The following MMP26 variants were observed in gnomAD, a reference collection of about 807,000 sequenced individuals.
MMP26 encodes the protein matrix metallopeptidase 26.
MMP26 carries 33 observed loss-of-function variants against 31.0 expected under a neutral mutation model. The observed-to-expected ratio is 1.06, with a 90% CI of 0.81 to 1.42. The LOEUF (loss-of-function observed/expected upper bound fraction) is 1.42, where lower values mean the gene tolerates loss of function less well. Among genes scored for constraint, MMP26 ranks in the 40% most tolerant of loss-of-function variants. The probability of loss-of-function intolerance (pLI) is 0.00; values close to 1 mark genes in which losing one functional copy is unlikely to be tolerated. For missense variants in MMP26, 347 were observed against 316.1 expected (o/e 1.10, Z -0.74); for synonymous variants, 122 against 114.9 (o/e 1.06, Z -0.40).
intron 1 of MMP26, among the ~76,000 whole-genome samples, chr11:4,761,092 C>CA (rs1407074655): frequency 2.6e-5 from 4 of 152,052 alleles, no homozygotes; most frequent in African/African-American, 9.7e-5. Flanking sequence ...GGTCAGGGAC[C>CA]AAGGGTAAGC....
intron 2 of MMP26, among the ~76,000 whole-genome samples, chr11:4,910,189 T>C (rs548151584): frequency 6.6e-6 from 1 of 152,146 alleles, no homozygotes; most frequent in African/African-American, 2.4e-5. Flanking sequence ...AGGTAACCCA[T>C]AATTCTTGCC....
intron 2 of MMP26, chr11:4,889,472 A>T (rs1850587411): frequency 6.6e-6 from 1 of 152,196 alleles, no homozygotes; most frequent in Admixed American, 6.5e-5. Context: ...CCTATGGGTA[A>T]GAAAGGCCAA....
At chr11:4,752,351 C>T (rs1317778344) in intron 1 of MMP26, 1 of 152,200 alleles carries the variant, frequency 6.6e-6, no homozygotes, top group East Asian at 1.9e-4. Context: ...AGATGGAGTC[C>T]ACTCCGGCAG....
chr11:4,806,294 G>A (rs539437689), intron 2 of MMP26, among the ~76,000 whole-genome samples: 7 of 152,140 alleles, frequency 4.6e-5, no homozygotes, highest in South Asian at 4.2e-4. Context: ...TTTCTGTCTC[G>A]TTGGTCTGTC....
At chr11:4,710,268 G>T (rs1847843000) in intron 1 of MMP26, 1 of 456,604 alleles carries the variant, frequency 2.2e-6, no homozygotes. Context: ...TGCCTCCCCA[G>T]AGGAGCAGAA....
chr11:4,775,605 C>A (rs912347764), intron 2 of MMP26, among the ~76,000 whole-genome samples: 1 of 152,112 alleles, frequency 6.6e-6, no homozygotes, highest in East Asian at 1.9e-4. Context: ...TTATTTGGCT[C>A]ATGGTTCTGC....
chr11:4,804,430 T>G (rs755623100), intron 2 of MMP26: 1 of 1,363,594 alleles, frequency 7.3e-7, no homozygotes, highest in South Asian at 1.2e-5. Context: ...TCTCTGCAGA[T>G]GATAACAATC....
intron 2 of MMP26, among the ~76,000 whole-genome samples, chr11:4,879,571 A>T (rs559144260): frequency 6.6e-6 from 1 of 152,146 alleles, no homozygotes; most frequent in Non-Finnish European, 1.5e-5. Context: ...TAGACAGCGA[A>T]GTTATTAAAA....
Position 4,780,364 on chromosome 11 carries a change from T to C in MMP26, c.-145+13023T>C, listed in dbSNP as rs75736699. On this transcript the variant is annotated intron_variant, in intron 2 of 7. Coordinates refer to ENST00000380390, the MANE Select transcript of MMP26 (RefSeq NM_021801.5). The stretch of plus-strand genomic sequence containing the variant: ...TAACACTTAGTATTGTCTCCAATTT[T>C]AGCCACTCTGACATATATGTAGTGG... 1.2e-4 allele frequency among the ~76,000 whole-genome samples: 18 copies of C among 151,012 alleles called. No homozygotes were observed. The East Asian group carries it at 3.3e-3, about 28-fold the overall frequency.
chr11:4,730,102 C>T (rs1238818614), intron 1 of MMP26, among the ~76,000 whole-genome samples: 4 of 152,042 alleles, frequency 2.6e-5, no homozygotes, highest in Non-Finnish European at 5.9e-5. Flanking sequence ...TGGTGGTTTA[C>T]CCAAATTTTT....
At chr11:4,989,333 G>A (rs1470570733) in intron 3 of MMP26, among the ~76,000 whole-genome samples, 1 of 152,252 alleles carries the variant, frequency 6.6e-6, no homozygotes, top group Non-Finnish European at 1.5e-5. Context: ...CATCTTCCCC[G>A]GGGAATTCCC....
At position 4,954,931 on chromosome 11, in the gene MMP26, A is replaced by G. The variant is rs369843977; in HGVS notation, c.-144-33137A>G. 3 of 1,210,454 alleles carry G rather than the reference A, an allele frequency of 2.5e-6. 1 individual carries two copies. Among genetic ancestry groups the G allele is most frequent in the Non-Finnish European group, 3.5e-6 (3 of 856,026 alleles). The allele number at this position is 1,210,454 out of a possible 1,614,324, so 75.0% of individuals were successfully genotyped here. On this transcript the variant is annotated intron_variant, in intron 2 of 7. Transcript: ENST00000380390. Reference sequence around the variant, plus strand: ...AGACATGCCCGGCAAAGCGGTGGACAACGGCCAGGTTGATGATGGGCAGGT... The same window carrying G: ...AGACATGCCCGGCAAAGCGGTGGACGACGGCCAGGTTGATGATGGGCAGGT...
rs1425154174 is a variant in MMP26 at position 4,989,753 on chromosome 11, C to G, written c.205C>G (p.Leu69Val). 1.2e-6 allele frequency: 2 copies of G among 1,614,072 alleles called. No homozygotes were observed. Among genetic ancestry groups the G allele is most frequent in the Non-Finnish European group, 1.7e-6 (2 of 1,180,028 alleles). ...QQFHRNGTDL[L>V]DMQMHALLHQ... Reference sequence around the variant, plus strand: ...ATTCCATCGGAATGGGACAGACCTACTTGACATGCAGATGCATGCTCTGCT... The same window carrying G: ...ATTCCATCGGAATGGGACAGACCTAGTTGACATGCAGATGCATGCTCTGCT... The change falls in exon 4 of 8, where the codon CTT (leucine) becomes GTT (valine). Residue 69 changes from leucine (L) to valine (V), a missense_variant. Physicochemically the swap from Leu to Val is conservative, Grantham distance 32. Coordinates refer to ENST00000380390, the MANE Select transcript of MMP26 (RefSeq NM_021801.5).
At chr11:4,808,552 C>T (rs1278060958) in intron 2 of MMP26, among the ~76,000 whole-genome samples, 1 of 152,014 alleles carries the variant, frequency 6.6e-6, no homozygotes, top group African/African-American at 2.4e-5. Context: ...GTTCTGCACC[C>T]TCCTTAGGAA....
At chr11:4,930,467 A>G (rs1260864273) in intron 2 of MMP26, among the ~76,000 whole-genome samples, 1 of 152,018 alleles carries the variant, frequency 6.6e-6, no homozygotes, top group Non-Finnish European at 1.5e-5. Flanking sequence ...TTTTCGAGCC[A>G]TCTTTGCTCA....
intron 2 of MMP26, among the ~76,000 whole-genome samples, chr11:4,980,840 G>A (rs1039534888): frequency 1.1e-4 from 16 of 151,680 alleles, no homozygotes; most frequent in African/African-American, 3.9e-4. Context: ...AATATTATTT[G>A]TATCTGTTTT....
chr11:4,967,448 C>G (rs1846611794), intron 2 of MMP26, among the ~76,000 whole-genome samples: 1 of 152,120 alleles, frequency 6.6e-6, no homozygotes, highest in Non-Finnish European at 1.5e-5. Flanking sequence ...GCCAAGAAGC[C>G]AAGCCAAGAA....
At chr11:4,860,370 A>G (rs1850133118) in intron 2 of MMP26, 1 of 471,118 alleles carries the variant, frequency 2.1e-6, no homozygotes, top group Admixed American at 2.3e-5. Flanking sequence ...CCAAGATAGA[A>G]AGGAAGTAAT....
intron 2 of MMP26, among the ~76,000 whole-genome samples, chr11:4,984,250 A>G (rs147497389): frequency 3.3e-4 from 51 of 152,324 alleles, no homozygotes; most frequent in African/African-American, 1.2e-3. Flanking sequence ...TATAACTTCT[A>G]TACATAACTT....
Sources: gnomAD v4.1 joint callset for allele counts (sites outside exome capture counted in the v4.1 genomes callset) on GRCh38, gnomAD v4.1.1 for gene constraint, MANE v1.5 for transcripts, NCBI Gene and HGNC (gene_info 2026-07-23, HGNC 2026-07-21) for gene names.